The following UBE2E2 variants were observed in gnomAD, a reference collection of about 807,000 sequenced individuals.
The protein encoded by UBE2E2 is ubiquitin-conjugating enzyme E2 E2.
In UBE2E2, 6 loss-of-function variants were observed where a neutral mutation model predicts 24.7. The ratio of observed to expected loss-of-function variants is 0.24; its 90% CI spans 0.13 to 0.48. UBE2E2 has a LOEUF of 0.48. Ranked by LOEUF, UBE2E2 falls within the 20% of genes least tolerant of loss-of-function variation. The pLI, the probability that UBE2E2 is intolerant of heterozygous loss-of-function variation, is 0.99. For missense variants in UBE2E2, 169 were observed against 245.0 expected (o/e 0.69, Z 2.07); for synonymous variants, 104 against 83.6 (o/e 1.24, Z -1.33).
chr3:23,582,860 A>AGTGTGTGTGTGT (rs58053821), intron 5 of UBE2E2, among the ~76,000 whole-genome samples: 480 of 116,760 alleles, frequency 4.1e-3, no homozygotes, highest in African/African-American at 6.1e-3. Flanking sequence ...TATTCTGTTG[A>AGTGTGTGTGTGT]GTGTGTGTGT....
At chr3:23,394,343 A>AT (rs1697025329) in intron 3 of UBE2E2, among the ~76,000 whole-genome samples, 1 of 152,198 alleles carries the variant, frequency 6.6e-6, no homozygotes, top group African/African-American at 2.4e-5. Flanking sequence ...AATATTGTAT[A>AT]TTTTTACGAA....
chr3:23,490,938 T>A (rs116091253), intron 3 of UBE2E2, among the ~76,000 whole-genome samples: 2,164 of 152,268 alleles, frequency 0.014, 53 homozygotes, highest in African/African-American at 0.05. Flanking sequence ...ATCATTCCCA[T>A]TTATTAAGCA....
chr3:23,549,591 C>T (rs1695597582), intron 5 of UBE2E2, among the ~76,000 whole-genome samples: 1 of 152,130 alleles, frequency 6.6e-6, no homozygotes. Flanking sequence ...CTGACCCTAT[C>T]TTGCAGCATT....
At chr3:23,492,909 A>C (rs1459150633) in intron 3 of UBE2E2, among the ~76,000 whole-genome samples, 1 of 152,126 alleles carries the variant, frequency 6.6e-6, no homozygotes, top group African/African-American at 2.4e-5. Context: ...TTATTTTAAT[A>C]CATTTTTAGC....
chr3:23,391,349 T>A (rs1054844835), intron 3 of UBE2E2, among the ~76,000 whole-genome samples: 3 of 152,242 alleles, frequency 2.0e-5, no homozygotes, highest in African/African-American at 4.8e-5. Context: ...AGACTTAGAA[T>A]GTATATGCAA....
At chr3:23,562,900 G>A (rs1359337459) in intron 5 of UBE2E2, among the ~76,000 whole-genome samples, 1 of 152,136 alleles carries the variant, frequency 6.6e-6, no homozygotes, top group Non-Finnish European at 1.5e-5. Context: ...GTATTTCTGT[G>A]GGATCGGTAG....
intron 3 of UBE2E2, among the ~76,000 whole-genome samples, chr3:23,344,597 T>A (rs1365577389): frequency 1.3e-5 from 2 of 152,068 alleles, no homozygotes; most frequent in Non-Finnish European, 2.9e-5. Context: ...ATTAAAGTAC[T>A]GATGTTAATG....
At position 23,203,458 on chromosome 3, in the gene UBE2E2, C is replaced by T. The variant is rs1197304034; in HGVS notation, c.-15C>T. On this transcript the variant is annotated 5_prime_UTR_variant, in exon 1 of 6. Coordinates refer to ENST00000396703, the MANE Select transcript of UBE2E2 (RefSeq NM_152653.4). The stretch of plus-strand genomic sequence containing the variant: ...GCCTGCGACCTGCACGGACACCCCC[C>T]CCTCAGGTATTCGCTCGGGCCGCGC... 13 of 979,370 alleles carry T rather than the reference C, an allele frequency of 1.3e-5. No homozygotes were observed. Among genetic ancestry groups the T allele is most frequent in the Admixed American group, 6.3e-5 (1 of 15,882 alleles). The allele number at this position is 979,370 out of a possible 1,614,324, so 60.7% of individuals were successfully genotyped here.
At chr3:23,477,796 A>G (rs891677551) in intron 3 of UBE2E2, among the ~76,000 whole-genome samples, 1 of 152,232 alleles carries the variant, frequency 6.6e-6, no homozygotes, top group Non-Finnish European at 1.5e-5. Flanking sequence ...CATAATCGAC[A>G]CATGTCATGG....
chr3:23,316,641 C>G (rs1355460996), intron 3 of UBE2E2, among the ~76,000 whole-genome samples: 6 of 151,544 alleles, frequency 4.0e-5, no homozygotes, highest in African/African-American at 1.5e-4. Flanking sequence ...TACCCTTAAT[C>G]TTTCTTCTAC....
At position 23,300,544 on chromosome 3, in the gene UBE2E2, G is replaced by T. The variant is rs1190770257; in HGVS notation, c.227+83232G>T. Among the ~76,000 whole-genome samples, 28 of 152,244 alleles carry T rather than the reference G, an allele frequency of 1.8e-4. No homozygotes were observed. In the East Asian group the frequency reaches 4.6e-3, roughly 25 times the overall value. ...ATTTTATTTCTCCTTCACTTATGAA[G>T]CTTAGTTTGGCTGGATATGAAATTA... On this transcript the variant is annotated intron_variant, in intron 3 of 5. Coordinates refer to ENST00000396703, the MANE Select transcript of UBE2E2 (RefSeq NM_152653.4).
At chr3:23,237,810 CCTTA>C (rs1213971051) in intron 3 of UBE2E2, among the ~76,000 whole-genome samples, 14 of 152,042 alleles carry the variant, frequency 9.2e-5, no homozygotes, top group Admixed American at 9.2e-4. Flanking sequence ...ATGTATAAGG[CCTTA>C]CTTAAACCAA....
intron 2 of UBE2E2, among the ~76,000 whole-genome samples, chr3:23,214,042 G>A (rs1233520826): frequency 1.3e-5 from 2 of 152,046 alleles, no homozygotes; most frequent in South Asian, 2.1e-4. Flanking sequence ...TCTTACAACC[G>A]TTTAAATAGC....
intron 3 of UBE2E2, among the ~76,000 whole-genome samples, chr3:23,283,463 A>G (rs1339858117): frequency 6.6e-6 from 1 of 152,148 alleles, no homozygotes; most frequent in Non-Finnish European, 1.5e-5. Flanking sequence ...GACCAAGCAC[A>G]GTGGTTCACG....
intron 3 of UBE2E2, among the ~76,000 whole-genome samples, chr3:23,238,781 C>T (rs886181411): frequency 1.3e-5 from 2 of 152,128 alleles, no homozygotes; most frequent in Non-Finnish European, 2.9e-5. Flanking sequence ...CCCATGGGGA[C>T]GCTGAATAAA....
At chr3:23,300,431 C>T (rs1047471888) in intron 3 of UBE2E2, among the ~76,000 whole-genome samples, 5 of 152,146 alleles carry the variant, frequency 3.3e-5, no homozygotes, top group Non-Finnish European at 7.3e-5. Flanking sequence ...CCGGTTGTCC[C>T]TTTCCATGTT....
At chr3:23,496,702 A>T (rs747895029) in intron 3 of UBE2E2, among the ~76,000 whole-genome samples, 14 of 152,086 alleles carry the variant, frequency 9.2e-5, no homozygotes, top group Non-Finnish European at 2.9e-5. Flanking sequence ...GCTATTATAA[A>T]TAGTGCTTCA....
intron 3 of UBE2E2, among the ~76,000 whole-genome samples, chr3:23,484,375 G>A (rs147977323): frequency 9.9e-5 from 15 of 152,222 alleles, no homozygotes; most frequent in East Asian, 1.9e-4. Flanking sequence ...TTCTCAGGTC[G>A]GTGCTGAAAT....
Position 23,534,425 on chromosome 3 carries a change from A to T in UBE2E2, c.508+1724A>T, listed in dbSNP as rs988285060. Among the ~76,000 whole-genome samples the T allele has an allele frequency of 4.6e-5, 7 of 152,176 alleles. No homozygotes were observed. In the East Asian group the frequency reaches 1.3e-3, roughly 29 times the overall value. ...AAAGCAGAACCACATAAGTAAAAGA[A>T]ATAGATTTTGAAATAATGCTATTGA... On this transcript the variant is annotated intron_variant, in intron 5 of 5. Transcript: ENST00000396703.
Sources: allele counts gnomAD v4.1 joint callset (sites outside exome capture counted in the v4.1 genomes callset), GRCh38; gene constraint gnomAD v4.1.1; transcripts MANE v1.5; gene names NCBI Gene and HGNC (gene_info 2026-07-23, HGNC 2026-07-21).